SYT14: variants seen among roughly 807,000 people sequenced by gnomAD.
The protein encoded by SYT14 is synaptotagmin-14.
SYT14 carries 32 observed loss-of-function variants against 74.2 expected under a neutral mutation model. The observed-to-expected ratio is 0.43, with a 90% CI of 0.33 to 0.58. SYT14 has a LOEUF of 0.58. SYT14 is among the 20% of genes least tolerant of loss of function. The pLI, the probability that SYT14 is intolerant of heterozygous loss-of-function variation, is 0.05. For synonymous variants in SYT14, 298 were observed against 337.7 expected (o/e 0.88, Z 1.29); for missense variants, 791 against 981.8 (o/e 0.81, Z 2.60).
intron 7 of SYT14, among the ~76,000 whole-genome samples, chr1:210,133,340 G>T (rs1180379499): frequency 6.6e-6 from 1 of 152,164 alleles, no homozygotes; most frequent in Non-Finnish European, 1.5e-5. Context: ...TGCAGCTTTT[G>T]TGACAACCTC....
chr1:209,954,976 G>T (rs922676255), intron 2 of SYT14, among the ~76,000 whole-genome samples: 1 of 152,056 alleles, frequency 6.6e-6, no homozygotes, highest in Non-Finnish European at 1.5e-5. Flanking sequence ...CAAATTCTGG[G>T]ATTACCACCA....
chr1:209,981,004 G>A (rs2079473950), intron 2 of SYT14, among the ~76,000 whole-genome samples: 1 of 152,106 alleles, frequency 6.6e-6, no homozygotes. Context: ...TTAGTTTAAT[G>A]GGAATAGCAT....
At chr1:210,154,593 T>C (rs2083232488) in intron 7 of SYT14, among the ~76,000 whole-genome samples, 1 of 152,194 alleles carries the variant, frequency 6.6e-6, no homozygotes, top group Non-Finnish European at 1.5e-5. Flanking sequence ...TCATTGTTAT[T>C]CGTCCCTTTT....
At chr1:210,142,040 T>C (rs2082926116) in intron 7 of SYT14, among the ~76,000 whole-genome samples, 1 of 152,230 alleles carries the variant, frequency 6.6e-6, no homozygotes, top group African/African-American at 2.4e-5. Flanking sequence ...ACAGATGTTC[T>C]AAGGATATAG....
chr1:210,137,118 T>C (rs1476958998), intron 7 of SYT14, among the ~76,000 whole-genome samples: 1 of 152,190 alleles, frequency 6.6e-6, no homozygotes, highest in Non-Finnish European at 1.5e-5. Flanking sequence ...TGTCAGTGTT[T>C]GGGCAGATTT....
At chr1:210,096,825 G>A (rs1052332950) in intron 6 of SYT14, among the ~76,000 whole-genome samples, 4 of 152,142 alleles carry the variant, frequency 2.6e-5, no homozygotes, top group Non-Finnish European at 5.9e-5. Context: ...CCTTTCTATA[G>A]GTAACACTCA....
intron 5 of SYT14, among the ~76,000 whole-genome samples, chr1:210,091,604 C>G (rs573941548): frequency 6.6e-6 from 1 of 152,144 alleles, no homozygotes; most frequent in Non-Finnish European, 1.5e-5. Flanking sequence ...GAGGGAGGAT[C>G]ACTTGAGCCT....
intron 5 of SYT14, among the ~76,000 whole-genome samples, chr1:210,041,976 A>ATT (rs2080799134): frequency 2.6e-5 from 4 of 152,014 alleles, no homozygotes; most frequent in African/African-American, 9.7e-5. Context: ...CATGACTGGG[A>ATT]TCACTGAGCC....
intron 7 of SYT14, among the ~76,000 whole-genome samples, chr1:210,144,525 C>T (rs2082989506): frequency 6.6e-6 from 1 of 151,878 alleles, no homozygotes; most frequent in Non-Finnish European, 1.5e-5. Context: ...TTATATTACT[C>T]ATTTATATAC....
At chr1:210,021,389 A>T in intron 5 of SYT14, 135 bp downstream of exon 4, 1 of 937,170 alleles carries the variant, frequency 1.1e-6, no homozygotes. Context: ...TGGGAATGTA[A>T]TTTATTCAAA....
chr1:210,144,634 A>G (rs1286602687), intron 7 of SYT14, among the ~76,000 whole-genome samples: 1 of 152,090 alleles, frequency 6.6e-6, no homozygotes, highest in Non-Finnish European at 1.5e-5. Context: ...CCAATAGTCT[A>G]TGGATAATTA....
intron 7 of SYT14, among the ~76,000 whole-genome samples, chr1:210,142,720 C>T (rs1217599688): frequency 6.6e-6 from 1 of 152,148 alleles, no homozygotes; most frequent in Admixed American, 6.5e-5. Context: ...CCTGATTGAG[C>T]ATAGGAGACC....
intron 2 of SYT14, among the ~76,000 whole-genome samples, chr1:209,966,921 G>C (rs1277388064): frequency 6.6e-6 from 1 of 152,126 alleles, no homozygotes; most frequent in Non-Finnish European, 1.5e-5. Flanking sequence ...AGCATTTAGG[G>C]TGATCTCAAG....
chr1:210,045,066 A>T (rs780496716), intron 5 of SYT14, among the ~76,000 whole-genome samples: 1 of 152,180 alleles, frequency 6.6e-6, no homozygotes, highest in Non-Finnish European at 1.5e-5. Context: ...TCATGTTATG[A>T]TTCTCTTTAT....
At chr1:210,038,234 A>T (rs1446658694) in intron 5 of SYT14, among the ~76,000 whole-genome samples, 1 of 152,108 alleles carries the variant, frequency 6.6e-6, no homozygotes, top group African/African-American at 2.4e-5. Flanking sequence ...AAATGTAGCT[A>T]TTCCTACTCA....
At chr1:210,056,628 A>T (rs1028749515) in intron 5 of SYT14, among the ~76,000 whole-genome samples, 38 of 145,984 alleles carry the variant, frequency 2.6e-4, no homozygotes, top group African/African-American at 9.7e-4. Flanking sequence ...ATCCTGGCTA[A>T]CATGATGAAA....
chr1:210,056,989 C>T (rs2081111764), intron 5 of SYT14, among the ~76,000 whole-genome samples: 1 of 151,820 alleles, frequency 6.6e-6, no homozygotes, highest in Non-Finnish European at 1.5e-5. Context: ...GGATTACAGG[C>T]GCACACCACC....
intron 1 of SYT14, among the ~76,000 whole-genome samples, chr1:209,939,118 A>G (rs1038517707): frequency 6.6e-6 from 1 of 152,150 alleles, no homozygotes; most frequent in East Asian, 1.9e-4. Flanking sequence ...CCAAGTGTCT[A>G]TATTTTGCCT....
chr1:210,143,275 A>C (rs939586797), intron 7 of SYT14, among the ~76,000 whole-genome samples: 10 of 152,190 alleles, frequency 6.6e-5, no homozygotes, highest in Non-Finnish European at 1.2e-4. Context: ...TAATGTAGGG[A>C]AATAAAGATC....
Sources: allele counts gnomAD v4.1 joint callset (sites outside exome capture counted in the v4.1 genomes callset), GRCh38; gene constraint gnomAD v4.1.1; transcripts MANE v1.5; gene names NCBI Gene and HGNC (gene_info 2026-07-23, HGNC 2026-07-21).